Variants in ATP8A2 observed in about 807,000 individuals in gnomAD.
ATP8A2 encodes the protein ATPase phospholipid transporting 8A2, also known as phospholipid-transporting ATPase IB.
ATP8A2 carries 100 observed loss-of-function variants against 165.6 expected under a neutral mutation model. The ratio of observed to expected loss-of-function variants is 0.60; its 90% CI spans 0.51 to 0.71. The LOEUF (loss-of-function observed/expected upper bound fraction) is 0.71. ATP8A2 is among the 30% of genes least tolerant of loss of function. The pLI is 0.00. For synonymous variants in ATP8A2, 543 were observed against 548.8 expected (o/e 0.99, Z 0.15); for missense variants, 1,227 against 1,479.5 (o/e 0.83, Z 2.80).
intron 6 of ATP8A2, 56 bp from the exon 7 acceptor site, chr13:25,537,932 T>G: frequency 1.7e-6 from 2 of 1,211,834 alleles, no homozygotes; most frequent in Non-Finnish European, 2.4e-6. Context: ...TTTTTCACCA[T>G]GTGTGTTTTG....
At chr13:25,951,527 A>G (rs530678478) in intron 33 of ATP8A2, among the ~76,000 whole-genome samples, 2 of 152,322 alleles carry the variant, frequency 1.3e-5, no homozygotes, top group South Asian at 4.1e-4. Context: ...TTTCTGGGAT[A>G]ATGGAAATGT....
intron 24 of ATP8A2, among the ~76,000 whole-genome samples, chr13:25,601,566 G>C (rs1447136194): frequency 6.6e-6 from 1 of 152,206 alleles, no homozygotes; most frequent in African/African-American, 2.4e-5. Flanking sequence ...CTGGGTTCAC[G>C]TGATTCTCCT....
In ATP8A2 at chr13:25,754,365, A is replaced by G. The variant is rs931549189; in HGVS notation, c.2385-14681A>G. Among the ~76,000 whole-genome samples, 4 of 152,082 alleles carry G rather than the reference A, an allele frequency of 2.6e-5. No individual in the cohort carries two copies. The East Asian group carries it at 7.7e-4, about 29-fold the overall frequency. On this transcript the variant is annotated intron_variant, in intron 25 of 36. Transcript: ENST00000381655. ...CAGGAAGGAATGGCTTTCTGTTTGC[A>G]TTTTAGGAAAACTTCACCTTTTAAA...
At chr13:25,667,728 C>G (rs2042183235) in intron 24 of ATP8A2, among the ~76,000 whole-genome samples, 1 of 152,008 alleles carries the variant, frequency 6.6e-6, no homozygotes, top group Non-Finnish European at 1.5e-5. Flanking sequence ...CCTTTTATGC[C>G]TGGCTGCTTT....
intron 25 of ATP8A2, among the ~76,000 whole-genome samples, chr13:25,763,068 C>G (rs1055590427): frequency 2.6e-5 from 4 of 152,276 alleles, no homozygotes; most frequent in Middle Eastern, 3.4e-3. Flanking sequence ...ACACCTTCAT[C>G]TCTAGAGGAA....
chr13:25,719,243 C>T lies in ATP8A2; in HGVS notation c.2384+19898C>T, dbSNP rs553977885. Among the ~76,000 whole-genome samples the T allele has an allele frequency of 1.8e-3, 272 of 152,222 alleles. 2 individuals carry two copies. Among genetic ancestry groups the T allele is most frequent in the Non-Finnish European group, 2.8e-3 (189 of 68,032 alleles). On this transcript the variant is annotated intron_variant, in intron 25 of 36. Coordinates refer to ENST00000381655, the MANE Select transcript of ATP8A2 (RefSeq NM_016529.6). ...CAGCCCTGTGCTGTCTACTCATTCTCCTTTGGGGATTGCTTGTTTTAATTG... is the reference window on the plus strand; with the variant it reads ...CAGCCCTGTGCTGTCTACTCATTCTTCTTTGGGGATTGCTTGTTTTAATTG...
At chr13:25,481,223 CAG>C (rs987129990) in intron 2 of ATP8A2, among the ~76,000 whole-genome samples, 1 of 151,836 alleles carries the variant, frequency 6.6e-6, no homozygotes. Context: ...GGGACAGGGA[CAG>C]GGACAGGAGT....
intron 25 of ATP8A2, among the ~76,000 whole-genome samples, chr13:25,740,308 C>CAAA (rs1229327243): frequency 1.3e-3 from 91 of 67,468 alleles, no homozygotes; most frequent in African/African-American, 4.7e-3. Flanking sequence ...GGCTCTATCT[C>CAAA]AAAAAAAAAA....
At chr13:25,704,996 T>G (rs913253711) in intron 25 of ATP8A2, among the ~76,000 whole-genome samples, 1 of 152,240 alleles carries the variant, frequency 6.6e-6, no homozygotes, top group African/African-American at 2.4e-5. Flanking sequence ...TTCAACTGTC[T>G]TATATGTTTA....
At chr13:25,405,969 C>T (rs1403524043) in intron 1 of ATP8A2, among the ~76,000 whole-genome samples, 1 of 152,170 alleles carries the variant, frequency 6.6e-6, no homozygotes, top group Non-Finnish European at 1.5e-5. Flanking sequence ...TCCATTCACT[C>T]ATTCATTTAT....
intron 2 of ATP8A2, among the ~76,000 whole-genome samples, chr13:25,472,923 T>G (rs2137539203): frequency 6.6e-6 from 1 of 152,304 alleles, no homozygotes; most frequent in Non-Finnish European, 1.5e-5. Flanking sequence ...AGCTGGCATT[T>G]GACTAGGAAT....
intron 1 of ATP8A2, among the ~76,000 whole-genome samples, chr13:25,452,208 G>A (rs2035247877): frequency 6.6e-6 from 1 of 152,100 alleles, no homozygotes; most frequent in Non-Finnish European, 1.5e-5. Context: ...CTTGGAGAGC[G>A]GGAAGGTCAC....
chr13:25,564,145 C>T, intron 16 of ATP8A2, 114 bp downstream of exon 16: 1 of 748,532 alleles, frequency 1.3e-6, no homozygotes, highest in Non-Finnish European at 2.4e-6. Flanking sequence ...AAAGTCTCGA[C>T]TTGATGATGT....
At chr13:25,419,437 T>A (rs2034233274) in intron 1 of ATP8A2, among the ~76,000 whole-genome samples, 1 of 152,216 alleles carries the variant, frequency 6.6e-6, no homozygotes, top group Non-Finnish European at 1.5e-5. Flanking sequence ...AAGTTTTCTG[T>A]GACCTGGGAA....
At chr13:25,520,023 A>G (rs555433835) in intron 2 of ATP8A2, among the ~76,000 whole-genome samples, 38 of 152,380 alleles carry the variant, frequency 2.5e-4, no homozygotes, top group African/African-American at 7.5e-4. Context: ...GGGATATCCA[A>G]TGCCTTAAAT....
rs933860278 is a variant in ATP8A2 at position 25,953,121 on chromosome 13, G to C, written c.3184-8454G>C. 1.3e-5 allele frequency among the ~76,000 whole-genome samples: 2 copies of C among 152,152 alleles called. No homozygotes were observed. The highest frequency in any genetic ancestry group is 2.9e-5 in the Non-Finnish European group (2 of 68,034). On this transcript the variant is annotated intron_variant, in intron 33 of 36. Transcript: ENST00000381655. This position sits in a 1 kb window ranked among gnomAD's most constrained non-coding sequence, Gnocchi z 6.7. Reference sequence around the variant, plus strand: ...ACAGGTTTTGTTTTATTTTGTTGTTGTGTTGTCGATGCTGGGTGGGAATGG... The same window carrying C: ...ACAGGTTTTGTTTTATTTTGTTGTTCTGTTGTCGATGCTGGGTGGGAATGG...
Position 25,726,866 on chromosome 13 carries a change from G to C in ATP8A2, c.2384+27521G>C, listed in dbSNP as rs886762937. 2.0e-5 allele frequency among the ~76,000 whole-genome samples: 3 copies of C among 152,118 alleles called. No individual in the cohort carries two copies. The East Asian group carries it at 5.8e-4, about 29-fold the overall frequency. ...AGAGTGCTAGATTTTTGAGGGTCTG[G>C]AGGTAAAAGACCCTGCAATAGGGCA... On this transcript the variant is annotated intron_variant, in intron 25 of 36. Transcript: ENST00000381655.
At chr13:25,458,899 G>T (rs1252687541) in intron 1 of ATP8A2, among the ~76,000 whole-genome samples, 1 of 152,164 alleles carries the variant, frequency 6.6e-6, no homozygotes, top group African/African-American at 2.4e-5. Flanking sequence ...CTGACAGAAG[G>T]TGGCAGAGAG....
rs187564112 is a variant in ATP8A2 at position 25,888,727 on chromosome 13, C to T, written c.3183+26319C>T. On this transcript the variant is annotated intron_variant, in intron 33 of 36. Transcript: ENST00000381655. ...ATTCAAAATTAGCCAAGCATGGTGG[C>T]GCATGTCTGTAATTCCAGCTACTTG... Among the ~76,000 whole-genome samples the T allele has an allele frequency of 2.1e-3, 317 of 152,222 alleles. 2 individuals carry two copies. Among genetic ancestry groups the T allele is most frequent in the African/African-American group, 7.3e-3 (303 of 41,522 alleles).
Sources: allele counts gnomAD v4.1 joint callset (sites outside exome capture counted in the v4.1 genomes callset), GRCh38; gene constraint gnomAD v4.1.1; non-coding constraint Gnocchi (gnomAD v3.1); transcripts MANE v1.5; gene names NCBI Gene and HGNC (gene_info 2026-07-23, HGNC 2026-07-21).